Variants in ZNF569 observed in about 807,000 individuals in gnomAD.
The protein encoded by ZNF569 is zinc finger protein 569.
ZNF569 carries 38 observed loss-of-function variants against 56.3 expected under a neutral mutation model. The observed-to-expected ratio is 0.68, with a 90% CI of 0.52 to 0.88. The LOEUF (loss-of-function observed/expected upper bound fraction) is 0.88, where lower values mean the gene tolerates loss of function less well. Ranked by LOEUF, ZNF569 falls within the 40% of genes least tolerant of loss-of-function variation. The pLI, the probability that ZNF569 is intolerant of heterozygous loss-of-function variation, is 0.00. For missense variants in ZNF569, 666 were observed against 809.2 expected (o/e 0.82, Z 2.15); for synonymous variants, 241 against 262.9 (o/e 0.92, Z 0.81).
chr19:37,438,586 T>A lies in ZNF569; in HGVS notation c.15+6321A>T, dbSNP rs184742288. ...GAAACCAGACCCCTATCTCTTGCCA[T>A]ACACAAAAATCAAATCAAAATGGAT... is the stretch of plus-strand genomic sequence containing the variant. On this transcript the variant is annotated intron_variant, in intron 3 of 5. Coordinates refer to ENST00000316950, the MANE Select transcript of ZNF569 (RefSeq NM_152484.3). Among the ~76,000 whole-genome samples the A allele has an allele frequency of 2.6e-5, 4 of 152,250 alleles. No homozygotes were observed. The East Asian group carries it at 7.7e-4, about 29-fold the overall frequency.
chr19:37,439,276 G>A (rs1466146766), intron 3 of ZNF569, among the ~76,000 whole-genome samples: 1 of 152,138 alleles, frequency 6.6e-6, no homozygotes, highest in African/African-American at 2.4e-5. Context: ...TCACCATGTT[G>A]ACCAGGCTGG....
At chr19:37,436,590 GA>G (rs1568731853) in intron 3 of ZNF569, among the ~76,000 whole-genome samples, 1 of 151,380 alleles carries the variant, frequency 6.6e-6, no homozygotes, top group East Asian at 1.9e-4. Context: ...GCTAGACTAA[GA>G]AAAAAAGAGA....
chr19:37,425,192 C>T (rs1568723201), intron 5 of ZNF569, among the ~76,000 whole-genome samples: 1 of 151,832 alleles, frequency 6.6e-6, no homozygotes, highest in Non-Finnish European at 1.5e-5. Context: ...CACTCCGTTG[C>T]CTAGGCTAGA....
chr19:37,466,255 A>C lies in ZNF569; in HGVS notation c.-204-782T>G, dbSNP rs1356533380. Among the ~76,000 whole-genome samples, 5 of 152,370 alleles carry C rather than the reference A, an allele frequency of 3.3e-5. No individual in the cohort carries two copies. The East Asian group carries it at 9.6e-4, about 29-fold the overall frequency. ...AGGAGAATGAGTTTAGTAAGTACAC[A>C]AAACAACGTAGCTAATACACGAAAA... On this transcript the variant is annotated intron_variant, in intron 1 of 5. Transcript: ENST00000316950.
rs2040845324 is a variant in ZNF569 at position 37,411,842 on chromosome 19, CTA to C, written c.*753_*754del. The C allele has an allele frequency of 6.6e-6, 1 of 152,162 alleles. No homozygotes were observed. Among genetic ancestry groups the C allele is most frequent in the African/African-American group, 2.4e-5 (1 of 41,454 alleles). The allele number at this position is 152,162 out of a possible 1,614,324, so 9.4% of individuals were successfully genotyped here. On this transcript the variant is annotated 3_prime_UTR_variant, in exon 6 of 6. Transcript: ENST00000316950. ...TCTTGGATTTTTGTATGAATGCTCACTATCTTACTACTGCTTGATTTATTCAC... is the reference window on the plus strand; with the variant it reads ...TCTTGGATTTTTGTATGAATGCTCACTCTTACTACTGCTTGATTTATTCAC...
At chr19:37,426,485 C>T in intron 3 of ZNF569, 107 bp from the exon 4 acceptor site, 1 of 1,232,414 alleles carries the variant, frequency 8.1e-7, no homozygotes. Context: ...TTAAAAAAGC[C>T]CATCATATTA....
intron 2 of ZNF569, among the ~76,000 whole-genome samples, chr19:37,446,547 C>G (rs1256207507): frequency 2.8e-5 from 2 of 70,230 alleles, no homozygotes; most frequent in African/African-American, 2.0e-4. Context: ...GCGACTCCAT[C>G]TCAAAAAAAA....
chr19:37,412,422 T>A lies in ZNF569; in HGVS notation c.*175A>T, dbSNP rs1288662287. 1 of 1,183,818 alleles carries A rather than the reference T, an allele frequency of 8.4e-7. No individual in the cohort carries two copies. The highest frequency in any genetic ancestry group is 1.1e-6 in the Non-Finnish European group (1 of 917,930). The allele number at this position is 1,183,818 out of a possible 1,614,324, so 73.3% of individuals were successfully genotyped here. A position where few individuals can be genotyped will look rare whatever the true frequency, so the allele number is the denominator to read the frequency against. ...GCTGAAAGTTTCTGGTAACAGCTTT[T>A]TCATTATATAATTTGTCACCTTGGA... On this transcript the variant is annotated 3_prime_UTR_variant, in exon 6 of 6. Transcript: ENST00000316950.
At chr19:37,421,129 G>A (rs376008943) in intron 5 of ZNF569, among the ~76,000 whole-genome samples, 2 of 152,138 alleles carry the variant, frequency 1.3e-5, no homozygotes, top group Non-Finnish European at 2.9e-5. Flanking sequence ...ATGTGCTGTC[G>A]TCCAGGCTTT....
intron 2 of ZNF569, among the ~76,000 whole-genome samples, chr19:37,456,909 AGT>A (rs2041679060): frequency 6.6e-6 from 1 of 151,446 alleles, no homozygotes; most frequent in Admixed American, 6.6e-5. Context: ...CGGAGGTTGC[AGT>A]GAGTCTAGAT....
chr19:37,421,743 CTTTTTTTTT>C (rs748058159), intron 5 of ZNF569, among the ~76,000 whole-genome samples: 4 of 79,696 alleles, frequency 5.0e-5, no homozygotes, highest in South Asian at 9.5e-4. Context: ...TGTAGTGGCA[CTTTTTTTTT>C]TTTTTTTTTT....
chr19:37,426,031 G>C (rs2041126144), intron 4 of ZNF569, 68 bp from the exon 5 acceptor site: 1 of 1,538,434 alleles, frequency 6.5e-7, no homozygotes, highest in Non-Finnish European at 9.0e-7. Context: ...AAAAATTGAG[G>C]CTGGCCCAGG....
In ZNF569 at chr19:37,432,092, G is replaced by A. The variant is rs375549022; in HGVS notation, c.16-5714C>T. ...GGCATCTCTGGACCTGCCCGTGGCT[G>A]GGGGGAACTTGCTACTCTAAAGGGA... is the stretch of plus-strand genomic sequence containing the variant. On this transcript the variant is annotated intron_variant, in intron 3 of 5. Transcript: ENST00000316950. Among the ~76,000 whole-genome samples, 12 of 152,172 alleles carry A rather than the reference G, an allele frequency of 7.9e-5. No individual in the cohort carries two copies. In the East Asian group the frequency reaches 2.1e-3, roughly 27 times the overall value.
intron 2 of ZNF569, among the ~76,000 whole-genome samples, chr19:37,460,452 T>C (rs561805048): frequency 2.6e-5 from 4 of 151,956 alleles, no homozygotes; most frequent in Non-Finnish European, 5.9e-5. Context: ...CAATGGTAGA[T>C]GTTAATCCAA....
chr19:37,430,194 C>CAA (rs57159479), intron 3 of ZNF569, among the ~76,000 whole-genome samples: 17,316 of 133,012 alleles, frequency 0.13, 1,031 homozygotes, highest in Middle Eastern at 0.24. Flanking sequence ...GACCCTATCT[C>CAA]AAAAAAAAAA....
chr19:37,434,239 G>A (rs1319488150), intron 3 of ZNF569, among the ~76,000 whole-genome samples: 1 of 150,620 alleles, frequency 6.6e-6, no homozygotes. Flanking sequence ...GGCAGAGGTT[G>A]CAGTGAGCCG....
chr19:37,419,629 A>T (rs572896164), intron 5 of ZNF569, among the ~76,000 whole-genome samples: 1 of 152,104 alleles, frequency 6.6e-6, no homozygotes, highest in Non-Finnish European at 1.5e-5. Flanking sequence ...AGGCTGAGGC[A>T]GGAGAATCGT....
chr19:37,426,291 T>G lies in ZNF569; in HGVS notation c.103A>C (p.Asn35His), dbSNP rs755708774. ...LDPAQRKLYR[N>H]VMLENYNNLI... ...TTGTTATAGTTTTCTAGCATCACAT[T>G]CCGGTACAGTTTTCTCTGAGCAGGA... is the stretch of plus-strand genomic sequence containing the variant. The change falls in exon 4 of 6, where the codon AAT (asparagine) becomes CAT (histidine). Residue 35 changes from asparagine (N) to histidine (H), a missense_variant. By Grantham distance (68) the Asn-to-His change is moderately conservative. Coordinates refer to ENST00000316950, the MANE Select transcript of ZNF569 (RefSeq NM_152484.3). 3 of 1,613,758 alleles carry G rather than the reference T, an allele frequency of 1.9e-6. No individual in the cohort carries two copies. The highest frequency in any genetic ancestry group is 2.5e-6 in the Non-Finnish European group (3 of 1,179,858).
intron 3 of ZNF569, among the ~76,000 whole-genome samples, chr19:37,442,631 G>T (rs1182405821): frequency 6.6e-6 from 1 of 152,158 alleles, no homozygotes; most frequent in Non-Finnish European, 1.5e-5. Context: ...GTGGATACAG[G>T]GAGATTAGTA....
Sources: gnomAD v4.1 joint callset for allele counts (sites outside exome capture counted in the v4.1 genomes callset) on GRCh38, gnomAD v4.1.1 for gene constraint, MANE v1.5 for transcripts, NCBI Gene and HGNC (gene_info 2026-07-23, HGNC 2026-07-21) for gene names.